Variants in LHFPL6 observed in about 807,000 individuals in gnomAD.
The protein encoded by LHFPL6 is LHFPL tetraspan subfamily member 6.
A neutral mutation model predicts 20.6 loss-of-function variants in LHFPL6; 9 were observed. That is an observed-to-expected ratio of 0.44 (90% CI 0.26 to 0.76). The LOEUF is 0.76. Ranked by LOEUF, LHFPL6 falls within the 30% of genes least tolerant of loss-of-function variation. The pLI, the probability that LHFPL6 is intolerant of heterozygous loss-of-function variation, is 0.20. For synonymous variants in LHFPL6, 105 were observed against 98.7 expected (o/e 1.06, Z -0.38); for missense variants, 218 against 253.5 (o/e 0.86, Z 0.95).
At chr13:39,552,650 A>T (rs1871173288) in intron 2 of LHFPL6, among the ~76,000 whole-genome samples, 1 of 152,256 alleles carries the variant, frequency 6.6e-6, no homozygotes, top group Non-Finnish European at 1.5e-5. Context: ...CTAGCAAAAC[A>T]TCATTAATAA....
At chr13:39,528,451 C>T (rs184037748) in intron 2 of LHFPL6, among the ~76,000 whole-genome samples, 6 of 152,330 alleles carry the variant, frequency 3.9e-5, no homozygotes, top group Non-Finnish European at 8.8e-5. Flanking sequence ...AGAGGAACAG[C>T]AATGACAAGC....
rs150383254 is a variant in LHFPL6, at chr13:39,485,479, A to T, written c.386-106953T>A. On this transcript the variant is annotated intron_variant, in intron 2 of 3. Transcript: ENST00000379589. ...AACCCTATGGGTCAATGGGAAAGAAATAGAAGGAAGATAAAGGACAGTTCA... is the reference window on the plus strand; with the variant it reads ...AACCCTATGGGTCAATGGGAAAGAATTAGAAGGAAGATAAAGGACAGTTCA... Among the ~76,000 whole-genome samples the T allele has an allele frequency of 7.9e-5, 12 of 152,326 alleles. No individual in the cohort carries two copies. The East Asian group carries it at 2.1e-3, about 27-fold the overall frequency.
At chr13:39,519,255 A>AG (rs931812766) in intron 2 of LHFPL6, among the ~76,000 whole-genome samples, 2 of 143,136 alleles carry the variant, frequency 1.4e-5, no homozygotes, top group African/African-American at 5.2e-5. Flanking sequence ...AAAATAAAAA[A>AG]AAAATCAGAG....
intron 2 of LHFPL6, among the ~76,000 whole-genome samples, chr13:39,563,165 C>A (rs1871600367): frequency 6.8e-6 from 1 of 146,066 alleles, no homozygotes; most frequent in African/African-American, 2.5e-5. Flanking sequence ...TCCAGCAAAG[C>A]AACAATGTTA....
At chr13:39,524,726 A>G (rs1330080338) in intron 2 of LHFPL6, among the ~76,000 whole-genome samples, 1 of 152,232 alleles carries the variant, frequency 6.6e-6, no homozygotes, top group Non-Finnish European at 1.5e-5. Context: ...TTAGGGGAAC[A>G]TGAGACAAAT....
chr13:39,584,666 A>G (rs144698935), intron 2 of LHFPL6, among the ~76,000 whole-genome samples: 139 of 152,032 alleles, frequency 9.1e-4, no homozygotes, highest in African/African-American at 3.2e-3. Flanking sequence ...CGTAGACCTG[A>G]CTATAGAGTC....
chr13:39,572,448 T>C (rs754534869), intron 2 of LHFPL6, among the ~76,000 whole-genome samples: 1 of 151,998 alleles, frequency 6.6e-6, no homozygotes, highest in Non-Finnish European at 1.5e-5. Context: ...AATTCAGAGG[T>C]TCCAGTCCGA....
At chr13:39,396,880 C>T (rs559224513) in intron 2 of LHFPL6, among the ~76,000 whole-genome samples, 70 of 152,132 alleles carry the variant, frequency 4.6e-4, no homozygotes, top group Middle Eastern at 3.4e-3. Flanking sequence ...TTTGGAGTCA[C>T]GCTGCTTTAA....
chr13:39,562,571 TAC>T (rs1871556450), intron 2 of LHFPL6, among the ~76,000 whole-genome samples: 1 of 97,668 alleles, frequency 1.0e-5, no homozygotes, highest in African/African-American at 3.2e-5. Flanking sequence ...CATATACACA[TAC>T]ATATATACAC....
chr13:39,548,119 C>T lies in LHFPL6; in HGVS notation c.385+52713G>A, dbSNP rs866035070. Among the ~76,000 whole-genome samples, 38 of 151,894 alleles carry T rather than the reference C, an allele frequency of 2.5e-4. 2 individuals are homozygous for T. Among genetic ancestry groups the T allele is most frequent in the African/African-American group, 9.2e-4 (38 of 41,300 alleles). ...CACAAAGTATTATAAAGGACTGCTT[C>T]CAAAAGAATACATATATGTAATAAA... On this transcript the variant is annotated intron_variant, in intron 2 of 3. Transcript: ENST00000379589.
intron 2 of LHFPL6, among the ~76,000 whole-genome samples, chr13:39,471,235 G>A (rs1872935820): frequency 6.6e-6 from 1 of 152,182 alleles, no homozygotes; most frequent in East Asian, 1.9e-4. Context: ...TTGGCCAGAG[G>A]AGGAGAGAAA....
At chr13:39,590,038 A>G (rs1872553158) in intron 2 of LHFPL6, among the ~76,000 whole-genome samples, 1 of 152,216 alleles carries the variant, frequency 6.6e-6, no homozygotes, top group Non-Finnish European at 1.5e-5. Context: ...TCTGATTTCT[A>G]AATATAATAT....
At chr13:39,391,496 G>T (rs1307517069) in intron 2 of LHFPL6, among the ~76,000 whole-genome samples, 2 of 152,140 alleles carry the variant, frequency 1.3e-5, no homozygotes, top group African/African-American at 4.8e-5. Context: ...GTGTGTGTAT[G>T]TGTGTATAAA....
At chr13:39,528,756 C>T (rs534745469) in intron 2 of LHFPL6, among the ~76,000 whole-genome samples, 4 of 152,250 alleles carry the variant, frequency 2.6e-5, no homozygotes, top group South Asian at 2.1e-4. Flanking sequence ...TAAAATAAAA[C>T]CATGATTTTT....
chr13:39,383,653 A>G (rs1178921058), intron 2 of LHFPL6, among the ~76,000 whole-genome samples: 1 of 152,204 alleles, frequency 6.6e-6, no homozygotes, highest in Non-Finnish European at 1.5e-5. Flanking sequence ...TTAAGAATCA[A>G]AATCATCACT....
intron 2 of LHFPL6, among the ~76,000 whole-genome samples, chr13:39,417,054 G>C (rs144778532): frequency 6.6e-6 from 1 of 152,192 alleles, no homozygotes; most frequent in Non-Finnish European, 1.5e-5. Flanking sequence ...CGAAGGTGTA[G>C]GGAGACTCCT....
At position 39,344,050 on chromosome 13, in the gene LHFPL6, C is replaced by T; in HGVS notation, c.489G>A (p.Lys163=). ...GYTSGQFDLG[K]CEIGWAYYCT... ...AGTAGTAGGCCCAGCCGATTTCACA[C>T]TTCCCTAAGGACAAAGGAAGGGGAA... Residue 163 remains lysine, a synonymous_variant, in exon 4 of 4, where the codon AAG becomes AAA. Coordinates refer to ENST00000379589, the MANE Select transcript of LHFPL6 (RefSeq NM_005780.3). The T allele has an allele frequency of 6.2e-7, 1 of 1,610,352 alleles. No individual in the cohort carries two copies. Among genetic ancestry groups the T allele is most frequent in the Non-Finnish European group, 8.5e-7 (1 of 1,177,258 alleles).
At chr13:39,429,229 T>A (rs1871725278) in intron 2 of LHFPL6, among the ~76,000 whole-genome samples, 1 of 151,994 alleles carries the variant, frequency 6.6e-6, no homozygotes. Context: ...GAGAGGAATA[T>A]CAAAATCTCT....
chr13:39,518,876 C>G (rs757825422), intron 2 of LHFPL6, among the ~76,000 whole-genome samples: 1 of 152,194 alleles, frequency 6.6e-6, no homozygotes, highest in African/African-American at 2.4e-5. Flanking sequence ...ATCCAGTCCA[C>G]GATGGAACAC....
Sources: gnomAD v4.1 joint callset for allele counts (sites outside exome capture counted in the v4.1 genomes callset) on GRCh38, gnomAD v4.1.1 for gene constraint, MANE v1.5 for transcripts, NCBI Gene and HGNC (gene_info 2026-07-23, HGNC 2026-07-21) for gene names.